The following GSN variants were observed in gnomAD, a reference collection of about 807,000 sequenced individuals.
GSN encodes gelsolin.
A neutral mutation model predicts 85.7 loss-of-function variants in GSN; 56 were observed. That is an observed-to-expected ratio of 0.65 (90% confidence interval 0.53 to 0.82). GSN has a LOEUF of 0.82. Ranked by LOEUF, GSN falls within the 40% of genes least tolerant of loss-of-function variation. GSN has a pLI of 0.00. For synonymous variants in GSN, 373 were observed against 399.1 expected (o/e 0.93, Z 0.78); for missense variants, 857 against 979.8 (o/e 0.87, Z 1.67).
chr9:121,317,393 C>T (rs1423887976), intron 8 of GSN, 175 bp downstream of exon 8: 2 of 700,326 alleles, frequency 2.9e-6, no homozygotes, highest in African/African-American at 1.8e-5. Flanking sequence ...ATCTTGGGCA[C>T]TTTACTTACC....
At chr9:121,297,576 G>C (rs2059339107) in intron 2 of GSN, among the ~76,000 whole-genome samples, 1 of 152,076 alleles carries the variant, frequency 6.6e-6, no homozygotes, top group Admixed American at 6.5e-5. Flanking sequence ...TGCAAAAACA[G>C]GCACCATTGT....
chr9:121,228,814 CCA>C (rs1159492414), intron 4 of GSN, among the ~76,000 whole-genome samples: 1 of 152,140 alleles, frequency 6.6e-6, no homozygotes, highest in Non-Finnish European at 1.5e-5. Flanking sequence ...AGTAATTTTG[CCA>C]CAGTTTTTAA....
intron 6 of GSN, 57 bp downstream of exon 6, chr9:121,312,545 T>A: frequency 6.9e-7 from 1 of 1,449,322 alleles, no homozygotes; most frequent in Middle Eastern, 2.0e-4. Context: ...ATGACTTTCT[T>A]CTGTTCAGTA....
At chr9:121,317,951 T>A in intron 8 of GSN, 1 of 242,012 alleles carries the variant, frequency 4.1e-6, no homozygotes, top group Non-Finnish European at 8.2e-6. Context: ...GTGAGAAGGC[T>A]GGGACTGAGG....
In GSN at chr9:121,332,445, A is replaced by G; in HGVS notation, c.2038A>G (p.Ile680Val). The change falls in exon 18 of 18, where the codon ATC (isoleucine) becomes GTC (valine). Residue 680 changes from isoleucine to valine, a missense_variant. Transcript: ENST00000432226. The surrounding 1 kb of genome is among the most constrained non-coding windows in gnomAD (Gnocchi z 4.8). ...ACGTGTGTCTGCAGCTAAGCGGTACATCGAGACGGACCCAGCCAATCGGGA... is the reference window on the plus strand; with the variant it reads ...ACGTGTGTCTGCAGCTAAGCGGTACGTCGAGACGGACCCAGCCAATCGGGA... ...TEALTSAKRY[I>V]ETDPANRDRR... The G allele has an allele frequency of 6.2e-7, 1 of 1,614,106 alleles. No homozygotes were observed. The highest frequency in any genetic ancestry group is 1.7e-5 in the Admixed American group (1 of 60,030).
At chr9:121,311,111 T>C (rs1163254894) in intron 5 of GSN, 1 of 511,406 alleles carries the variant, frequency 2.0e-6, no homozygotes, top group Non-Finnish European at 3.5e-6. Flanking sequence ...CTTTTTCACA[T>C]GCTTATAAAT....
chr9:121,206,002 T>G (rs1183497760), upstream of GSN, among the ~76,000 whole-genome samples: 1 of 151,970 alleles, frequency 6.6e-6, no homozygotes, highest in Admixed American at 6.6e-5. Context: ...ACCCCTATGC[T>G]TGAATCTTTT....
intron 7 of GSN, among the ~76,000 whole-genome samples, chr9:121,315,529 C>T (rs778329874): frequency 6.6e-6 from 1 of 152,002 alleles, no homozygotes; most frequent in Admixed American, 6.5e-5. Flanking sequence ...TTTGAGAGGC[C>T]GAGGTAGGCG....
In GSN at chr9:121,251,539, A is replaced by G. The variant is rs566894590; in HGVS notation, c.-341+3216A>G. ...CAACTCATTTGCAATTATTTTTAAA[A>G]TCATCATTCTAAATTAAATATAAGA... is the stretch of plus-strand genomic sequence containing the variant. On this transcript the variant is annotated intron_variant, in intron 6 of 24. Transcript: ENST00000373823. Among the ~76,000 whole-genome samples the G allele has an allele frequency of 1.6e-4, 25 of 152,142 alleles. No homozygotes were observed. In the South Asian group the frequency reaches 4.6e-3, roughly 28 times the overall value.
intron 4 of GSN, among the ~76,000 whole-genome samples, chr9:121,219,657 C>G (rs1363497953): frequency 6.6e-6 from 1 of 152,168 alleles, no homozygotes; most frequent in Non-Finnish European, 1.5e-5. Flanking sequence ...TGCTCATTAA[C>G]ATAGTCAATC....
chr9:121,250,769 C>T (rs772430676), intron 6 of GSN, among the ~76,000 whole-genome samples: 8 of 151,766 alleles, frequency 5.3e-5, no homozygotes, highest in South Asian at 2.1e-4. Flanking sequence ...GAACTCCCGA[C>T]CTCATGATTC....
intron 5 of GSN, among the ~76,000 whole-genome samples, chr9:121,244,226 A>G (rs549708922): frequency 3.8e-4 from 58 of 152,362 alleles, no homozygotes; most frequent in African/African-American, 1.4e-3. Flanking sequence ...ATGTATCACA[A>G]TGTATTCATC....
intron 2 of GSN, among the ~76,000 whole-genome samples, chr9:121,289,234 C>T (rs2132830096): frequency 6.6e-6 from 1 of 151,970 alleles, no homozygotes; most frequent in South Asian, 2.1e-4. Context: ...GTGGGAGGGG[C>T]CCAGCGGAGT....
chr9:121,272,442 C>T (rs761965061), intron 1 of GSN, among the ~76,000 whole-genome samples: 8 of 151,926 alleles, frequency 5.3e-5, no homozygotes, highest in Non-Finnish European at 7.3e-5. Context: ...TAATGTCAGC[C>T]TTCCCAGCTC....
At chr9:121,203,816 G>A (rs2132046070), upstream of GSN, among the ~76,000 whole-genome samples, 1 of 152,292 alleles carries the variant, frequency 6.6e-6, no homozygotes, top group African/African-American at 2.4e-5. Flanking sequence ...GATAGTATAT[G>A]CAAAATATCT....
chr9:121,286,465 C>A, intron 2 of GSN: 2 of 774,632 alleles, frequency 2.6e-6, no homozygotes, highest in Non-Finnish European at 4.0e-6. Context: ...CTTGTGCAGG[C>A]CACACCCCCA....
In GSN at chr9:121,299,741, C is replaced by G. The variant is rs1588922111; in HGVS notation, c.-9-2222C>G. On this transcript the variant is annotated intron_variant, in intron 2 of 17. Coordinates refer to ENST00000432226, the MANE Select transcript of GSN (RefSeq NM_198252.3). This position sits in a 1 kb window ranked among gnomAD's most constrained non-coding sequence, Gnocchi z 4.2. ...GATGTCTCCAAGATCCGAGACAGAT[C>G]CCCGCCCCGCGCCCTCCCTGGGGGG... is the stretch of plus-strand genomic sequence containing the variant. 1 of 1,105,698 alleles carries G rather than the reference C, an allele frequency of 9.0e-7. No individual in the cohort carries two copies. 68.5% of individuals were successfully genotyped at this position (1,105,698 alleles called of 1,614,324 possible).
intron 16 of GSN, among the ~76,000 whole-genome samples, chr9:121,331,142 T>A (rs1171929340): frequency 6.6e-6 from 1 of 152,130 alleles, no homozygotes; most frequent in African/African-American, 2.4e-5. Context: ...AATCTAGATT[T>A]TTATGTCATA....
intron 4 of GSN, among the ~76,000 whole-genome samples, chr9:121,224,000 A>G (rs1269593191): frequency 5.3e-5 from 8 of 151,620 alleles, no homozygotes; most frequent in Non-Finnish European, 8.8e-5. Context: ...ATTTCCCTAC[A>G]TCTTTGCCAA....
Sources: gnomAD v4.1 joint callset for allele counts (sites outside exome capture counted in the v4.1 genomes callset) on GRCh38, gnomAD v4.1.1 for gene constraint, Gnocchi (gnomAD v3.1) non-coding constraint, MANE v1.5 for transcripts, NCBI Gene and HGNC (gene_info 2026-07-23, HGNC 2026-07-21) for gene names.